Variants in EFCAB5 observed in about 807,000 individuals in gnomAD.
EFCAB5 encodes the protein EF-hand calcium-binding domain-containing protein 5.
A neutral mutation model predicts 167.9 loss-of-function variants in EFCAB5; 131 were observed. That is an observed-to-expected ratio of 0.78 (90% CI 0.68 to 0.90). The LOEUF is 0.90. Among genes scored for constraint, EFCAB5 ranks in the 40% least tolerant of loss-of-function variants. The pLI, the probability that EFCAB5 is intolerant of heterozygous loss-of-function variation, is 0.00. For missense variants in EFCAB5, 1,663 were observed against 1,745.2 expected, an observed-to-expected ratio of 0.95 and a Z score of 0.84; for synonymous variants, 574 against 602.8, an observed-to-expected ratio of 0.95 and a Z score of 0.70.
chr17:30,026,430 A>G (rs2069325012), intron 7 of EFCAB5, among the ~76,000 whole-genome samples: 1 of 152,114 alleles, frequency 6.6e-6, no homozygotes, highest in African/African-American at 2.4e-5. Context: ...TGAAATTCCC[A>G]TCATTTAATC....
chr17:30,022,738 T>C (rs967498436), intron 7 of EFCAB5, among the ~76,000 whole-genome samples: 3 of 152,170 alleles, frequency 2.0e-5, no homozygotes, highest in Non-Finnish European at 4.4e-5. Context: ...ATAAGTCAAG[T>C]GTTTAGAAAT....
intron 7 of EFCAB5, among the ~76,000 whole-genome samples, chr17:30,006,355 C>G (rs1034573024): frequency 9.2e-5 from 14 of 151,988 alleles, no homozygotes; most frequent in African/African-American, 3.4e-4. Flanking sequence ...TTATTGCTCC[C>G]ATGCTTAGAA....
intron 7 of EFCAB5, among the ~76,000 whole-genome samples, chr17:30,012,758 G>C (rs543605608): frequency 6.6e-6 from 1 of 152,116 alleles, no homozygotes; most frequent in Non-Finnish European, 1.5e-5. Flanking sequence ...GAGACCCGCC[G>C]ACCCTGTGGG....
intron 7 of EFCAB5, among the ~76,000 whole-genome samples, chr17:30,018,646 T>C (rs545614098): frequency 2.6e-5 from 4 of 152,278 alleles, no homozygotes; most frequent in Admixed American, 6.5e-5. Context: ...TTTCTCTCTG[T>C]CAATAATTCC....
chr17:30,031,337 C>T (rs2069473949), intron 7 of EFCAB5, among the ~76,000 whole-genome samples: 1 of 152,200 alleles, frequency 6.6e-6, no homozygotes, highest in Non-Finnish European at 1.5e-5. Context: ...GCAGTTCTGA[C>T]AAGTTCTCAG....
At position 30,054,031 on chromosome 17, in the gene EFCAB5, A is replaced by G. The variant is rs761995116; in HGVS notation, c.2077A>G (p.Ile693Val). ...KYGEPITSEY[I>V]EVPLQEKRSW... ...TGGGGAACCTATAACCTCTGAGTAC[A>G]TTGAAGTCCCTCTACAGGAAAAGAG... is the stretch of plus-strand genomic sequence containing the variant. The change falls in exon 10 of 23, where the codon ATT (isoleucine) becomes GTT (valine). Residue 693 changes from isoleucine (I) to valine (V), a missense_variant. Transcript: ENST00000394835. The G allele has an allele frequency of 2.5e-6, 4 of 1,606,828 alleles. No homozygotes were observed. Among genetic ancestry groups the G allele is most frequent in the African/African-American group, 1.3e-5 (1 of 74,858 alleles).
At chr17:30,097,064 T>A (rs574280947) in intron 22 of EFCAB5, among the ~76,000 whole-genome samples, 125 of 117,106 alleles carry the variant, frequency 1.1e-3, no homozygotes, top group African/African-American at 6.8e-3. Context: ...ATATATATTT[T>A]TTTTTTTTTG....
At chr17:30,102,404 T>G (rs2071393930) in intron 22 of EFCAB5, among the ~76,000 whole-genome samples, 1 of 152,182 alleles carries the variant, frequency 6.6e-6, no homozygotes, top group South Asian at 2.1e-4. Flanking sequence ...AGGGTCTGTC[T>G]CTGTCACCCA....
chr17:30,052,191 G>T (rs146700473), intron 9 of EFCAB5, among the ~76,000 whole-genome samples: 39 of 152,090 alleles, frequency 2.6e-4, no homozygotes, highest in Non-Finnish European at 4.3e-4. Context: ...TTGAGACAGA[G>T]TCTCGCTCTG....
chr17:29,934,486 G>T (rs995031458), intron 1 of EFCAB5, among the ~76,000 whole-genome samples: 9 of 152,096 alleles, frequency 5.9e-5, no homozygotes, highest in Admixed American at 5.2e-4. Context: ...AATTAAAAGG[G>T]CGCATCAGAT....
At chr17:30,001,348 A>G (rs2068658024) in intron 7 of EFCAB5, among the ~76,000 whole-genome samples, 1 of 152,222 alleles carries the variant, frequency 6.6e-6, no homozygotes, top group African/African-American at 2.4e-5. Flanking sequence ...TGAAAAGTCA[A>G]AGCTTTATCT....
At chr17:29,934,874 T>C (rs1319399546) in intron 1 of EFCAB5, among the ~76,000 whole-genome samples, 1 of 152,146 alleles carries the variant, frequency 6.6e-6, no homozygotes, top group African/African-American at 2.4e-5. Context: ...TATCAACCAC[T>C]CCAGTTATTT....
At chr17:29,981,448 G>A (rs1462331438) in intron 4 of EFCAB5, among the ~76,000 whole-genome samples, 5 of 152,176 alleles carry the variant, frequency 3.3e-5, no homozygotes, top group Non-Finnish European at 7.4e-5. Flanking sequence ...TTCAGGCTCA[G>A]ACACCATTTC....
intron 1 of EFCAB5, among the ~76,000 whole-genome samples, chr17:29,936,288 A>T (rs1250039062): frequency 1.3e-5 from 2 of 151,798 alleles, no homozygotes; most frequent in Non-Finnish European, 2.9e-5. Context: ...GGGGAATATC[A>T]CACACTGGGG....
Position 29,993,211 on chromosome 17 carries a change from G to T in EFCAB5, c.814G>T (p.Glu272Ter). The change falls in exon 5 of 23, where the codon GAA becomes TAA. Residue 272 changes from glutamate to a stop codon, truncating the protein, a stop_gained. Transcript: ENST00000394835. LOFTEE classifies it high-confidence loss of function. ...ENVKQNRKQR[E>*]SIDKIIVKVA... is the part of the protein sequence containing the mutation. ...TGTTAAACAGAATAGAAAACAAAGA[G>T]AAAGCATAGACAAAATCATAGTCAA... 2 of 1,613,300 alleles carry T rather than the reference G, an allele frequency of 1.2e-6. No homozygotes were observed. Among genetic ancestry groups the T allele is most frequent in the East Asian group, 2.2e-5 (1 of 44,840 alleles).
rs765623575 is a variant in EFCAB5, at chr17:30,078,493, G to A, written c.3016G>A (p.Ala1006Thr). Residue 1006 changes from alanine to threonine, a missense_variant, in exon 15 of 23, where the codon GCC (alanine) becomes ACC (threonine). Transcript: ENST00000394835. Reference protein sequence around the residue: ...LEPVYSETFKALMQDAEAHGN... With the variant: ...LEPVYSETFKTLMQDAEAHGN... Reference sequence around the variant, plus strand: ...GCCGGTGTATAGTGAGACCTTTAAGGCCCTCATGCAGGTACGTTTCCTAAA... The same window carrying A: ...GCCGGTGTATAGTGAGACCTTTAAGACCCTCATGCAGGTACGTTTCCTAAA... 1 of 1,592,264 alleles carries A rather than the reference G, an allele frequency of 6.3e-7. No homozygotes were observed. Among genetic ancestry groups the A allele is most frequent in the Non-Finnish European group, 8.6e-7 (1 of 1,167,102 alleles).
chr17:29,932,742 G>A (rs971888864), intron 1 of EFCAB5, among the ~76,000 whole-genome samples: 32 of 152,082 alleles, frequency 2.1e-4, no homozygotes, highest in African/African-American at 5.6e-4. Flanking sequence ...ACAGGTGTGA[G>A]CCCCCGCACC....
intron 8 of EFCAB5, among the ~76,000 whole-genome samples, chr17:30,044,714 T>C (rs2069871203): frequency 2.0e-5 from 3 of 152,200 alleles, no homozygotes; most frequent in Non-Finnish European, 4.4e-5. Context: ...CAAAAACAGT[T>C]TGACAATTTC....
chr17:30,036,086 A>G (rs1040791198), intron 8 of EFCAB5, among the ~76,000 whole-genome samples: 1 of 144,662 alleles, frequency 6.9e-6, no homozygotes, highest in Non-Finnish European at 1.5e-5. Context: ...TATTTTATAT[A>G]TAACCATATA....
Sources: allele counts gnomAD v4.1 joint callset (sites outside exome capture counted in the v4.1 genomes callset), GRCh38; gene constraint gnomAD v4.1.1; transcripts MANE v1.5; gene names NCBI Gene and HGNC (gene_info 2026-07-23, HGNC 2026-07-21).